CHODL: variants seen among roughly 807,000 people sequenced by gnomAD.
CHODL encodes chondrolectin.
CHODL carries 29 observed loss-of-function variants against 34.5 expected under a neutral mutation model. The observed-to-expected ratio is 0.84, with a 90% confidence interval of 0.63 to 1.15. The LOEUF is 1.15. Ranked by LOEUF, CHODL falls within the 50% of genes most tolerant of loss-of-function variation. The pLI, the probability that CHODL is intolerant of heterozygous loss-of-function variation, is 0.00. For synonymous variants in CHODL, 125 were observed against 116.1 expected (o/e 1.08, Z -0.49); for missense variants, 332 against 332.5 (o/e 1.00, Z 0.01).
At chr21:18,231,726 C>CG (rs1750773328) in intron 2 of CHODL, among the ~76,000 whole-genome samples, 1 of 151,896 alleles carries the variant, frequency 6.6e-6, no homozygotes, top group Non-Finnish European at 1.5e-5. Flanking sequence ...CTTTCTTTTC[C>CG]GTCTGTTTGC....
intron 1 of CHODL, among the ~76,000 whole-genome samples, chr21:18,251,702 ATTTAT>A (rs1174039529): frequency 1.5e-5 from 2 of 133,342 alleles, no homozygotes; most frequent in Non-Finnish European, 3.1e-5. Context: ...TATTTTATTT[ATTTAT>A]TTTAATATAT....
At chr21:18,202,359 T>C (rs2073664232) in intron 2 of CHODL, among the ~76,000 whole-genome samples, 1 of 152,200 alleles carries the variant, frequency 6.6e-6, no homozygotes, top group Admixed American at 6.5e-5. Context: ...AGGAAATCAC[T>C]AACATTAAAT....
At chr21:17,965,927 T>TTTTTTA (rs2063568535) in intron 1 of CHODL, among the ~76,000 whole-genome samples, 1 of 151,036 alleles carries the variant, frequency 6.6e-6, no homozygotes, top group Non-Finnish European at 1.5e-5. Context: ...TTTTTTTTTT[T>TTTTTTA]AAACAGGGGA....
chr21:17,960,400 G>C (rs953621547), intron 1 of CHODL, among the ~76,000 whole-genome samples: 1 of 152,168 alleles, frequency 6.6e-6, no homozygotes, highest in Non-Finnish European at 1.5e-5. Flanking sequence ...AACATGCCTA[G>C]CATGCAGTGT....
rs565866666 is a variant in CHODL at position 18,052,386 on chromosome 21, G to T, written c.-45+24415G>T. ...CCACAGCTTGTTATTGGAAAGCCTG[G>T]TTCTAACCCAGAGATTCTGACTTCT... On this transcript the variant is annotated intron_variant, in intron 2 of 6. Coordinates refer to the CHODL transcript ENST00000400127. Among the ~76,000 whole-genome samples the T allele has an allele frequency of 2.6e-5, 4 of 152,020 alleles. No individual in the cohort carries two copies. The South Asian group carries it at 8.3e-4, about 32-fold the overall frequency.
Position 17,935,870 on chromosome 21 carries a change from C to T in CHODL, c.-145+18470C>T, listed in dbSNP as rs373833969. ...GATGTAAGGGATAGAGAGAAGAGCACGAAGACAGGAGTGCATACACTATTT... is the reference window on the plus strand; with the variant it reads ...GATGTAAGGGATAGAGAGAAGAGCATGAAGACAGGAGTGCATACACTATTT... On this transcript the variant is annotated intron_variant, in intron 1 of 6. Coordinates refer to the CHODL transcript ENST00000400127. Among the ~76,000 whole-genome samples the T allele has an allele frequency of 1.3e-3, 197 of 152,212 alleles. 2 individuals are homozygous for T. Among genetic ancestry groups the T allele is most frequent in the African/African-American group, 4.2e-3 (173 of 41,532 alleles).
At chr21:18,186,253 T>C (rs1197154045) in intron 2 of CHODL, among the ~76,000 whole-genome samples, 1 of 152,108 alleles carries the variant, frequency 6.6e-6, no homozygotes, top group Non-Finnish European at 1.5e-5. Context: ...CTGATTGGTC[T>C]AGAATATAAG....
chr21:18,266,164 G>A lies in CHODL; in HGVS notation c.*126G>A. 3 of 1,570,300 alleles carry A rather than the reference G, an allele frequency of 1.9e-6. No homozygotes were observed. Among genetic ancestry groups the A allele is most frequent in the Non-Finnish European group, 2.6e-6 (3 of 1,155,912 alleles). On this transcript the variant is annotated 3_prime_UTR_variant, in exon 6 of 6. Coordinates refer to ENST00000299295, the MANE Select transcript of CHODL (RefSeq NM_024944.3). ...CAAGATGAACTGTAAGCTCCCCCTT[G>A]AGGCAAATATTAAAGTAATTTTTAT...
At chr21:18,092,456 G>A (rs951471370) in intron 2 of CHODL, among the ~76,000 whole-genome samples, 2 of 152,128 alleles carry the variant, frequency 1.3e-5, no homozygotes, top group Non-Finnish European at 1.5e-5. Flanking sequence ...AACCATCCAG[G>A]AAAACAAGAC....
chr21:17,997,704 A>G (rs913949774), intron 1 of CHODL, among the ~76,000 whole-genome samples: 2 of 152,160 alleles, frequency 1.3e-5, no homozygotes, highest in Non-Finnish European at 2.9e-5. Flanking sequence ...GTGAAAACGG[A>G]AACCCCTGAT....
intron 2 of CHODL, among the ~76,000 whole-genome samples, chr21:18,053,737 A>G (rs1490729159): frequency 6.6e-6 from 1 of 151,962 alleles, no homozygotes; most frequent in Non-Finnish European, 1.5e-5. Flanking sequence ...AATAAATTGT[A>G]CAGGAGGCAA....
chr21:17,990,953 C>A (rs1429851966), intron 1 of CHODL, among the ~76,000 whole-genome samples: 1 of 152,094 alleles, frequency 6.6e-6, no homozygotes, highest in Non-Finnish European at 1.5e-5. Flanking sequence ...TAAATAACCT[C>A]TCTTCACCTT....
chr21:18,090,726 G>GAA (rs5842674), intron 2 of CHODL, among the ~76,000 whole-genome samples: 6,923 of 124,828 alleles, frequency 0.055, 694 homozygotes, highest in African/African-American at 0.2. Flanking sequence ...ATAATTTCCA[G>GAA]AAAAAAAAAA....
At chr21:18,184,424 TTAA>T (rs2073416380) in intron 2 of CHODL, among the ~76,000 whole-genome samples, 1 of 152,224 alleles carries the variant, frequency 6.6e-6, no homozygotes, top group African/African-American at 2.4e-5. Context: ...GCTTATATTA[TTAA>T]TATCATATTT....
At chr21:18,166,679 A>G (rs1381260593) in intron 2 of CHODL, among the ~76,000 whole-genome samples, 1 of 152,014 alleles carries the variant, frequency 6.6e-6, no homozygotes, top group Non-Finnish European at 1.5e-5. Flanking sequence ...GTTAAATTAT[A>G]TTAATATATT....
At chr21:18,016,957 G>A (rs2146420434) in intron 1 of CHODL, among the ~76,000 whole-genome samples, 1 of 152,354 alleles carries the variant, frequency 6.6e-6, no homozygotes, top group South Asian at 2.1e-4. Flanking sequence ...CATTGTTTTG[G>A]CCAATTTATC....
rs748708969 is a variant in CHODL at position 18,266,183 on chromosome 21, T to C, written c.*145T>C. 1.9e-6 allele frequency: 3 copies of C among 1,545,408 alleles called. No individual in the cohort carries two copies. In the African/African-American group the frequency reaches 4.1e-5, roughly 21 times the overall value. On this transcript the variant is annotated 3_prime_UTR_variant, in exon 6 of 6. Coordinates refer to ENST00000299295, the MANE Select transcript of CHODL (RefSeq NM_024944.3). ...CCCCTTGAGGCAAATATTAAAGTAATTTTTATATGTCTATTATTTCATTTA... is the reference window on the plus strand; with the variant it reads ...CCCCTTGAGGCAAATATTAAAGTAACTTTTATATGTCTATTATTTCATTTA...
chr21:18,171,960 A>G (rs2073238010), intron 2 of CHODL, among the ~76,000 whole-genome samples: 1 of 152,160 alleles, frequency 6.6e-6, no homozygotes, highest in Non-Finnish European at 1.5e-5. Context: ...CCAGCAATTT[A>G]CAACTGTGCC....
chr21:18,151,248 C>T (rs1040519595), intron 2 of CHODL, among the ~76,000 whole-genome samples: 21 of 152,060 alleles, frequency 1.4e-4, no homozygotes, highest in African/African-American at 2.2e-4. Flanking sequence ...CCGGGTTTCC[C>T]GCTTAGCCTA....
Sources: gnomAD v4.1 joint callset for allele counts (sites outside exome capture counted in the v4.1 genomes callset) on GRCh38, gnomAD v4.1.1 for gene constraint, MANE v1.5 for transcripts, NCBI Gene and HGNC (gene_info 2026-07-23, HGNC 2026-07-21) for gene names.